The following CTNNBL1 variants were observed in gnomAD, a reference collection of about 807,000 sequenced individuals.
The protein encoded by CTNNBL1 is beta-catenin-like protein 1.
In CTNNBL1, 31 loss-of-function variants were observed where a neutral mutation model predicts 72.7. That is an observed-to-expected ratio of 0.43 (90% confidence interval 0.32 to 0.58). CTNNBL1 has a LOEUF of 0.58. Among genes scored for constraint, CTNNBL1 ranks in the 20% least tolerant of loss-of-function variants. The pLI is 0.08. For missense variants in CTNNBL1, 534 were observed against 725.1 expected, an observed-to-expected ratio of 0.74 and a Z score of 3.03; for synonymous variants, 240 against 267.3, an observed-to-expected ratio of 0.90 and a Z score of 1.00.
chr20:37,869,275 C>T (rs148671727), intron 15 of CTNNBL1, among the ~76,000 whole-genome samples: 89 of 152,334 alleles, frequency 5.8e-4, no homozygotes, highest in African/African-American at 2.1e-3. Context: ...CCAGCATTGG[C>T]AGGGGTGGGG....
At chr20:37,851,301 A>G (rs1285622883) in intron 13 of CTNNBL1, among the ~76,000 whole-genome samples, 1 of 150,632 alleles carries the variant, frequency 6.6e-6, no homozygotes, top group Non-Finnish European at 1.5e-5. Context: ...AACAAAACCT[A>G]CCAGAGTATC....
chr20:37,842,104 C>T (rs781262404), intron 12 of CTNNBL1: 16 of 443,426 alleles, frequency 3.6e-5, no homozygotes, highest in Non-Finnish European at 5.2e-5. Context: ...AGCCTCCTTT[C>T]GGGAATGGGC....
intron 1 of CTNNBL1, among the ~76,000 whole-genome samples, chr20:37,722,770 A>G (rs767138026): frequency 6.6e-6 from 1 of 152,222 alleles, no homozygotes; most frequent in African/African-American, 2.4e-5. Flanking sequence ...ACTAGAACCC[A>G]GATTTTTCTG....
At chr20:37,697,506 C>T (rs2072804086) in intron 1 of CTNNBL1, among the ~76,000 whole-genome samples, 1 of 152,144 alleles carries the variant, frequency 6.6e-6, no homozygotes, top group Admixed American at 6.5e-5. Context: ...GGGAAGTGAG[C>T]AGGGGAATGG....
chr20:37,728,377 A>G (rs984152902), intron 1 of CTNNBL1, among the ~76,000 whole-genome samples: 1 of 152,250 alleles, frequency 6.6e-6, no homozygotes, highest in Non-Finnish European at 1.5e-5. Flanking sequence ...GCTACTAAAA[A>G]ATTTAAATTA....
Position 37,839,129 on chromosome 20 carries a change from G to A in CTNNBL1, c.1214-973G>A, listed in dbSNP as rs147120318. Among the ~76,000 whole-genome samples, 40 of 152,278 alleles carry A rather than the reference G, an allele frequency of 2.6e-4. No homozygotes were observed. In the East Asian group the frequency reaches 7.3e-3, roughly 28 times the overall value. ...TCCAACATTAAGAAATTAGGGAAAC[G>A]AGGGGATGGGGAATGCTTATTAAGT... On this transcript the variant is annotated intron_variant, in intron 11 of 15. Coordinates refer to ENST00000361383, the MANE Select transcript of CTNNBL1 (RefSeq NM_030877.5).
intron 11 of CTNNBL1, among the ~76,000 whole-genome samples, chr20:37,819,872 CTT>C (rs368562087): frequency 2.4e-4 from 29 of 121,214 alleles, no homozygotes; most frequent in African/African-American, 3.1e-4. Context: ...CTTTTAATAT[CTT>C]TTTTTTTTTT....
intron 1 of CTNNBL1, among the ~76,000 whole-genome samples, chr20:37,726,967 C>T (rs955094628): frequency 1.3e-5 from 2 of 152,042 alleles, no homozygotes; most frequent in African/African-American, 2.4e-5. Context: ...TAATTGAGGT[C>T]GAGATAGCCC....
At chr20:37,860,811 A>G (rs1255720266) in intron 15 of CTNNBL1, among the ~76,000 whole-genome samples, 1 of 152,376 alleles carries the variant, frequency 6.6e-6, no homozygotes, top group Admixed American at 6.5e-5. Context: ...CCACATTCAT[A>G]TAACTTTTTT....
chr20:37,804,386 A>G (rs1414109555), intron 11 of CTNNBL1, among the ~76,000 whole-genome samples: 2 of 152,004 alleles, frequency 1.3e-5, no homozygotes, highest in African/African-American at 2.4e-5. Flanking sequence ...CTCACAACCT[A>G]TGAAGTATTG....
intron 10 of CTNNBL1, among the ~76,000 whole-genome samples, chr20:37,797,082 G>A (rs1438919218): frequency 6.6e-6 from 1 of 152,114 alleles, no homozygotes; most frequent in Non-Finnish European, 1.5e-5. Flanking sequence ...ACTTGAAATT[G>A]CCTGTGGTCG....
chr20:37,757,872 G>A (rs2073378988), intron 5 of CTNNBL1, among the ~76,000 whole-genome samples: 1 of 152,156 alleles, frequency 6.6e-6, no homozygotes, highest in Non-Finnish European at 1.5e-5. Context: ...CCCTTATTAA[G>A]TCTCTGCTGT....
In CTNNBL1 at chr20:37,732,910, A is replaced by T; in HGVS notation, c.62A>T (p.Asp21Val). The change falls in exon 2 of 16, where the codon GAT (aspartate) becomes GTT (valine). Residue 21 changes from aspartate (D) to valine (V), a missense_variant. Asp to Val is a radical substitution (Grantham distance 152). Transcript: ENST00000361383. ...AGGGGCACAAAACGTCCCCGGGATG[A>T]TGAAGAGGAGGAGCAGAAGATGCGT... ...PNRGTKRPRD[D>V]EEEEQKMRRK... The T allele has an allele frequency of 6.2e-7, 1 of 1,613,966 alleles. No homozygotes were observed. Among genetic ancestry groups the T allele is most frequent in the Non-Finnish European group, 8.5e-7 (1 of 1,180,012 alleles).
chr20:37,843,909 G>T (rs2072325838), intron 13 of CTNNBL1, among the ~76,000 whole-genome samples: 1 of 152,152 alleles, frequency 6.6e-6, no homozygotes, highest in Non-Finnish European at 1.5e-5. Flanking sequence ...AAGATAAAAG[G>T]CAGAGACTCT....
chr20:37,777,301 C>A (rs747602380), intron 7 of CTNNBL1, 44 bp from the exon 8 acceptor site: 6 of 1,496,426 alleles, frequency 4.0e-6, no homozygotes, highest in Admixed American at 3.3e-5. Flanking sequence ...GGGAAGGAAG[C>A]AAGACCCCTT....
In CTNNBL1 at chr20:37,698,251, G is replaced by A. The variant is rs567680916; in HGVS notation, c.30+4099G>A. On this transcript the variant is annotated intron_variant, in intron 1 of 15. Coordinates refer to ENST00000361383, the MANE Select transcript of CTNNBL1 (RefSeq NM_030877.5). ...GCTGAAACCTCCTAAGTCTGCTACT[G>A]GAGAGCACTTTGATCTCGCCAGCCT... 4.6e-5 allele frequency among the ~76,000 whole-genome samples: 7 copies of A among 152,340 alleles called. No individual in the cohort carries two copies. In the South Asian group the frequency reaches 1.2e-3, roughly 27 times the overall value.
intron 10 of CTNNBL1, among the ~76,000 whole-genome samples, chr20:37,779,698 C>T (rs558936252): frequency 2.0e-5 from 3 of 152,168 alleles, no homozygotes; most frequent in South Asian, 2.1e-4. Flanking sequence ...ATCACATAGA[C>T]CTATCTATGC....
intron 7 of CTNNBL1, among the ~76,000 whole-genome samples, chr20:37,774,150 G>A (rs1342607901): frequency 3.3e-5 from 5 of 152,060 alleles, no homozygotes; most frequent in Non-Finnish European, 5.9e-5. Context: ...CTGGGGTCAA[G>A]TGATCCTCCC....
At chr20:37,717,361 C>T (rs963530609) in intron 1 of CTNNBL1, among the ~76,000 whole-genome samples, 5 of 152,124 alleles carry the variant, frequency 3.3e-5, no homozygotes, top group East Asian at 3.8e-4. Flanking sequence ...TGTGTGAGTT[C>T]GCTGGTTGCA....
Sources: gnomAD v4.1 joint callset for allele counts (sites outside exome capture counted in the v4.1 genomes callset) on GRCh38, gnomAD v4.1.1 for gene constraint, MANE v1.5 for transcripts, NCBI Gene and HGNC (gene_info 2026-07-23, HGNC 2026-07-21) for gene names.